The following CRPPA variants were observed in gnomAD, a reference collection of about 807,000 sequenced individuals.
The protein encoded by CRPPA is CDP-L-ribitol pyrophosphorylase A.
Under a neutral mutation model 52.0 loss-of-function variants are expected in CRPPA, and 43 were observed. The observed-to-expected ratio is 0.83, with a 90% CI of 0.65 to 1.07. The LOEUF is 1.07. Ranked by LOEUF, CRPPA falls within the 50% of genes least tolerant of loss-of-function variation. The pLI is 0.00. For synonymous variants in CRPPA, 250 were observed against 203.5 expected, an observed-to-expected ratio of 1.23 and a Z score of -1.94; for missense variants, 629 against 551.7, an observed-to-expected ratio of 1.14 and a Z score of -1.40.
intron 9 of CRPPA, among the ~76,000 whole-genome samples, chr7:16,145,252 G>C (rs1185478062): frequency 6.6e-6 from 1 of 152,142 alleles, no homozygotes; most frequent in African/African-American, 2.4e-5. Flanking sequence ...CCTAGTAATA[G>C]GCCTGCCAAA....
chr7:16,266,685 G>T (rs776879240), intron 6 of CRPPA, among the ~76,000 whole-genome samples: 1 of 151,912 alleles, frequency 6.6e-6, no homozygotes, highest in Non-Finnish European at 1.5e-5. Flanking sequence ...CACCATATTG[G>T]CCAGGCTGGT....
intron 9 of CRPPA, among the ~76,000 whole-genome samples, chr7:16,136,439 C>T (rs1317712784): frequency 6.6e-6 from 1 of 152,110 alleles, no homozygotes; most frequent in Non-Finnish European, 1.5e-5. Flanking sequence ...AAATAATGGT[C>T]CTGAGTATTA....
At chr7:16,408,833 G>T (rs1282590791) in intron 1 of CRPPA, among the ~76,000 whole-genome samples, 3 of 152,208 alleles carry the variant, frequency 2.0e-5, no homozygotes, top group Non-Finnish European at 4.4e-5. Context: ...AGAGTCACTG[G>T]AGAAGATGTG....
chr7:16,317,141 G>A (rs1218785244), intron 3 of CRPPA, among the ~76,000 whole-genome samples: 3 of 152,124 alleles, frequency 2.0e-5, no homozygotes, highest in Non-Finnish European at 4.4e-5. Context: ...AATTGATTAA[G>A]AGCATGGACA....
At chr7:16,286,451 C>T (rs570652457) in intron 5 of CRPPA, among the ~76,000 whole-genome samples, 4 of 152,108 alleles carry the variant, frequency 2.6e-5, no homozygotes, top group African/African-American at 9.6e-5. Context: ...CTTACACGGG[C>T]AAATGTCTAA....
At chr7:16,165,781 A>G (rs1781051116) in intron 9 of CRPPA, among the ~76,000 whole-genome samples, 1 of 152,232 alleles carries the variant, frequency 6.6e-6, no homozygotes, top group Non-Finnish European at 1.5e-5. Flanking sequence ...GCACCCAAAT[A>G]TTATAAAAAG....
At chr7:16,259,708 T>C (rs532718201) in intron 6 of CRPPA, among the ~76,000 whole-genome samples, 51 of 152,130 alleles carry the variant, frequency 3.4e-4, no homozygotes, top group African/African-American at 1.2e-3. Flanking sequence ...AGACAAGGGA[T>C]CTGTGATATC....
chr7:16,385,462 A>T (rs1028570972), intron 2 of CRPPA, among the ~76,000 whole-genome samples: 2 of 152,220 alleles, frequency 1.3e-5, no homozygotes, highest in African/African-American at 4.8e-5. Flanking sequence ...TATCAGAAAC[A>T]ATAAAAGTTA....
At chr7:16,354,569 A>G (rs951423650) in intron 3 of CRPPA, among the ~76,000 whole-genome samples, 2 of 152,188 alleles carry the variant, frequency 1.3e-5, no homozygotes, top group Non-Finnish European at 2.9e-5. Context: ...TTTAACTTAC[A>G]AAGAAACTTG....
chr7:16,342,709 T>C (rs1344032469), intron 3 of CRPPA, among the ~76,000 whole-genome samples: 2 of 142,826 alleles, frequency 1.4e-5, no homozygotes, highest in East Asian at 2.0e-4. Context: ...CAAGAGGTGA[T>C]CTGAGCCCAA....
At chr7:16,131,461 CCCAGGT>C (rs1245157567) in intron 9 of CRPPA, among the ~76,000 whole-genome samples, 3 of 152,022 alleles carry the variant, frequency 2.0e-5, no homozygotes, top group African/African-American at 7.2e-5. Flanking sequence ...AAGTGGCTGC[CCCAGGT>C]ACAGCTCCAG....
At position 16,112,499 on chromosome 7, in the gene CRPPA, C is replaced by A. The variant is rs571178272; in HGVS notation, c.1252-20700G>T. ...TACCTTCAAATTTAAAGAAAAAATT[C>A]AATAACCTCCAGCAGATGATACAGA... On this transcript the variant is annotated intron_variant, in intron 9 of 9. Coordinates refer to ENST00000407010, the MANE Select transcript of CRPPA (RefSeq NM_001101426.4). Among the ~76,000 whole-genome samples, 15 of 152,066 alleles carry A rather than the reference C, an allele frequency of 9.9e-5. No individual in the cohort carries two copies. In the South Asian group the frequency reaches 1.7e-3, roughly 17 times the overall value.
At chr7:16,335,154 C>CAAAAAAAA (rs60632334) in intron 3 of CRPPA, among the ~76,000 whole-genome samples, 37 of 93,774 alleles carry the variant, frequency 3.9e-4, no homozygotes, top group South Asian at 9.3e-4. Flanking sequence ...CCCATCTCTA[C>CAAAAAAAA]AAAAAAAAAA....
At chr7:16,297,192 G>C (rs763848519) in intron 5 of CRPPA, among the ~76,000 whole-genome samples, 1 of 152,110 alleles carries the variant, frequency 6.6e-6, no homozygotes, top group African/African-American at 2.4e-5. Flanking sequence ...AAGTAACCTA[G>C]GTCAGGTTTC....
At chr7:16,307,095 CT>C (rs1416830440) in intron 4 of CRPPA, among the ~76,000 whole-genome samples, 2 of 152,048 alleles carry the variant, frequency 1.3e-5, no homozygotes, top group Non-Finnish European at 2.9e-5. Context: ...AGGAAATATG[CT>C]TATAGACTCA....
chr7:16,325,819 T>C (rs886554613), intron 3 of CRPPA, among the ~76,000 whole-genome samples: 2 of 151,968 alleles, frequency 1.3e-5, no homozygotes, highest in African/African-American at 4.8e-5. Flanking sequence ...AACATTAAAG[T>C]GCACTGATAC....
In CRPPA at chr7:16,088,594, A is replaced by G. The variant is rs565169215; in HGVS notation, c.*3101T>C. The G allele has an allele frequency of 1.3e-5, 2 of 151,328 alleles. No homozygotes were observed. The highest frequency in any genetic ancestry group is 2.0e-4 in the East Asian group (1 of 5,124). The allele number at this position is 151,328 out of a possible 1,614,324, so 9.4% of individuals were successfully genotyped here. A position where few individuals can be genotyped will look rare whatever the true frequency, so the allele number is the denominator to read the frequency against. ...CACGATGCCTGGCTATTTTTTTTGT[A>G]TTTTTACTAGAGACGGGGTTTCACC... On this transcript the variant is annotated 3_prime_UTR_variant, in exon 10 of 10. Coordinates refer to ENST00000407010, the MANE Select transcript of CRPPA (RefSeq NM_001101426.4).
intron 8 of CRPPA, among the ~76,000 whole-genome samples, chr7:16,231,168 C>T (rs1253191918): frequency 3.3e-5 from 5 of 152,158 alleles, no homozygotes; most frequent in Non-Finnish European, 7.4e-5. Context: ...CTTCCCTATT[C>T]CATGCTGCCA....
intron 5 of CRPPA, among the ~76,000 whole-genome samples, chr7:16,289,413 AG>A (rs1426124325): frequency 2.0e-5 from 3 of 152,102 alleles, no homozygotes; most frequent in Admixed American, 6.6e-5. Flanking sequence ...AAAATAAAGC[AG>A]AGACACAAAA....
Sources: allele counts gnomAD v4.1 joint callset (sites outside exome capture counted in the v4.1 genomes callset), GRCh38; gene constraint gnomAD v4.1.1; transcripts MANE v1.5; gene names NCBI Gene and HGNC (gene_info 2026-07-23, HGNC 2026-07-21).